The following DIAPH2 variants were observed in gnomAD, a reference collection of about 807,000 sequenced individuals.
DIAPH2 encodes the protein diaphanous related formin 2.
A neutral mutation model predicts 92.7 loss-of-function variants in DIAPH2; 35 were observed. That is an observed-to-expected ratio of 0.38 (90% CI 0.29 to 0.50). The LOEUF (loss-of-function observed/expected upper bound fraction) is 0.50. Ranked by LOEUF, DIAPH2 falls within the 20% of genes least tolerant of loss-of-function variation. The pLI, the probability that DIAPH2 is intolerant of heterozygous loss-of-function variation, is 0.94. For missense variants in DIAPH2, 701 were observed against 819.5 expected (o/e 0.86, Z 1.77); for synonymous variants, 301 against 280.4 (o/e 1.07, Z -0.73).
At chrX:97,526,059 A>G (rs1000875667) in intron 26 of DIAPH2, among the ~76,000 whole-genome samples, 1 of 111,765 alleles carries the variant, frequency 8.9e-6, no homozygotes, top group Non-Finnish European at 1.9e-5. Context: ...GCCTCTGGCA[A>G]CCACTTCACA....
chrX:97,509,643 T>C (rs1195117589), intron 26 of DIAPH2, among the ~76,000 whole-genome samples: 2 of 106,694 alleles, frequency 1.9e-5, no homozygotes, highest in Admixed American at 1.0e-4. Flanking sequence ...TATCTCCTAA[T>C]GCTATCCCTC....
chrX:96,956,627 GT>G (rs771308246), intron 15 of DIAPH2, among the ~76,000 whole-genome samples: 4 of 112,159 alleles, frequency 3.6e-5, no homozygotes, highest in Admixed American at 9.4e-5. Context: ...CAAGTTCACA[GT>G]TCCACAGATC....
intron 23 of DIAPH2, among the ~76,000 whole-genome samples, chrX:97,337,332 C>T (rs764713599): frequency 9.0e-6 from 1 of 110,993 alleles, no homozygotes; most frequent in East Asian, 2.8e-4. Flanking sequence ...CAAATGTCAT[C>T]TTGAATTGTA....
chrX:97,434,388 G>T (rs1304140484), intron 26 of DIAPH2, among the ~76,000 whole-genome samples: 1 of 107,995 alleles, frequency 9.3e-6, no homozygotes, highest in African/African-American at 3.4e-5. Context: ...GACTGGCTAA[G>T]AAGACATTTG....
rs771371373 is a variant in DIAPH2 at position 97,090,005 on chromosome X, G to A, written c.2248-9689G>A. Among the ~76,000 whole-genome samples, 3 of 112,487 alleles carry A rather than the reference G, an allele frequency of 2.7e-5. No homozygotes were observed. The South Asian group carries it at 1.1e-3, about 41-fold the overall frequency. On this transcript the variant is annotated intron_variant, in intron 19 of 26. Transcript: ENST00000324765. ...AGCCTCCCAAAGTGCTGGGATTACA[G>A]GCGTGAGCCACCGGGCCCAGCCCGA...
intron 1 of DIAPH2, among the ~76,000 whole-genome samples, chrX:96,718,180 A>T (rs1327931234): frequency 6.6e-5 from 7 of 106,622 alleles, no homozygotes; most frequent in African/African-American, 2.0e-4. Flanking sequence ...AGATCCCACA[A>T]ATAAGTGAAA....
chrX:97,416,734 G>A (rs1003229127), intron 25 of DIAPH2, among the ~76,000 whole-genome samples: 11 of 112,028 alleles, frequency 9.8e-5, no homozygotes, highest in African/African-American at 2.9e-4. Flanking sequence ...GCTGAAACCT[G>A]TTTCCTTTTC....
intron 5 of DIAPH2, among the ~76,000 whole-genome samples, chrX:96,900,410 C>A (rs183529535): frequency 1.0e-3 from 111 of 111,269 alleles, no homozygotes; most frequent in African/African-American, 3.6e-3. Context: ...ATCATATCAT[C>A]AGCAAACAGT....
chrX:97,040,416 G>A (rs1264434951), intron 17 of DIAPH2, among the ~76,000 whole-genome samples: 2 of 110,634 alleles, frequency 1.8e-5, no homozygotes, highest in Non-Finnish European at 3.8e-5. Context: ...AAGCCTGCTT[G>A]TGGGTGGTTT....
At chrX:97,339,636 T>G (rs964740371) in intron 23 of DIAPH2, among the ~76,000 whole-genome samples, 1 of 112,533 alleles carries the variant, frequency 8.9e-6, no homozygotes, top group Non-Finnish European at 1.9e-5. Flanking sequence ...TTTCAAAACA[T>G]TAGCATTTTA....
chrX:96,885,071 G>A (rs1425149634), intron 5 of DIAPH2: 3 of 1,208,302 alleles, frequency 2.5e-6, no homozygotes, highest in East Asian at 3.0e-5. Flanking sequence ...ACTGTGGATC[G>A]GGAGCATTTT....
intron 19 of DIAPH2, among the ~76,000 whole-genome samples, chrX:97,096,058 G>A (rs367907246): frequency 8.9e-6 from 1 of 111,793 alleles, no homozygotes; most frequent in Non-Finnish European, 1.9e-5. Flanking sequence ...GGGGGACGGC[G>A]GAGAAATTGA....
chrX:97,152,328 A>G (rs779306735), intron 22 of DIAPH2, among the ~76,000 whole-genome samples: 4 of 111,949 alleles, frequency 3.6e-5, no homozygotes, highest in African/African-American at 6.5e-5. Flanking sequence ...TGGATTCTAC[A>G]AGTTGATGAG....
At chrX:96,828,751 C>T (rs1290277765) in intron 4 of DIAPH2, among the ~76,000 whole-genome samples, 1 of 111,312 alleles carries the variant, frequency 9.0e-6, no homozygotes, top group African/African-American at 3.3e-5. Flanking sequence ...CCAGGCAAAT[C>T]GATGTGATTT....
intron 1 of DIAPH2, among the ~76,000 whole-genome samples, chrX:96,699,520 C>T (rs2063843122): frequency 8.9e-6 from 1 of 111,811 alleles, no homozygotes; most frequent in African/African-American, 3.3e-5. Context: ...TGTTCTCTAT[C>T]CTACAATCAT....
intron 1 of DIAPH2, among the ~76,000 whole-genome samples, chrX:96,705,148 AT>A (rs1452068457): frequency 9.1e-6 from 1 of 109,611 alleles, no homozygotes; most frequent in Non-Finnish European, 1.9e-5. Flanking sequence ...TAATTTTTGT[AT>A]TTTTAGTCGA....
intron 23 of DIAPH2, among the ~76,000 whole-genome samples, chrX:97,285,576 T>A (rs910125534): frequency 3.6e-5 from 4 of 110,392 alleles, no homozygotes; most frequent in African/African-American, 9.8e-5. Context: ...TAGACTAGGA[T>A]CAATACACAA....
chrX:97,284,160 A>AT (rs1461191278), intron 23 of DIAPH2, among the ~76,000 whole-genome samples: 11 of 111,345 alleles, frequency 9.9e-5, no homozygotes, highest in African/African-American at 3.6e-4. Context: ...GTATGAAAAT[A>AT]TTTTTTTAGT....
At chrX:97,122,236 G>T (rs2067063439) in intron 21 of DIAPH2, among the ~76,000 whole-genome samples, 1 of 111,366 alleles carries the variant, frequency 9.0e-6, no homozygotes, top group Non-Finnish European at 1.9e-5. Context: ...ATTCAGCTTG[G>T]TGTAACTGTA....
Sources: gnomAD v4.1 joint callset for allele counts (sites outside exome capture counted in the v4.1 genomes callset) on GRCh38, gnomAD v4.1.1 for gene constraint, MANE v1.5 for transcripts, NCBI Gene and HGNC (gene_info 2026-07-23, HGNC 2026-07-21) for gene names.